ZDHHC12: variants seen among roughly 807,000 people sequenced by gnomAD.
The protein encoded by ZDHHC12 is zDHHC palmitoyltransferase 12.
A neutral mutation model predicts 33.2 loss-of-function variants in ZDHHC12; 26 were observed. The ratio of observed to expected loss-of-function variants is 0.78; its 90% CI spans 0.57 to 1.09. The LOEUF (loss-of-function observed/expected upper bound fraction) is 1.09. ZDHHC12 is among the 50% of genes least tolerant of loss of function. The probability of loss-of-function intolerance (pLI) is 0.00; values close to 1 mark genes in which losing one functional copy is unlikely to be tolerated. For synonymous variants in ZDHHC12, 154 were observed against 152.1 expected, an observed-to-expected ratio of 1.01 and a Z score of -0.09; for missense variants, 350 against 353.0, an observed-to-expected ratio of 0.99 and a Z score of 0.07.
rs750097929 is a variant in ZDHHC12, at chr9:128,723,979, C to G, written c.100+15G>C. ...GGGATCGGGTGGGTCCGGGGTCGCTCGGGGTCCGGCTCACCGGTATCGTGC... is the reference window on the plus strand; with the variant it reads ...GGGATCGGGTGGGTCCGGGGTCGCTGGGGGTCCGGCTCACCGGTATCGTGC... On this transcript the variant is annotated intron_variant, in intron 1 of 4. Coordinates refer to ENST00000372663, the MANE Select transcript of ZDHHC12 (RefSeq NM_032799.5). The surrounding 1 kb of genome is among the most constrained non-coding windows in gnomAD (Gnocchi z 4.4). The G allele has an allele frequency of 2.5e-6, 4 of 1,608,436 alleles. No individual in the cohort carries two copies. In the African/African-American group the frequency reaches 5.4e-5, roughly 22 times the overall value.
At position 128,722,665 on chromosome 9, in the gene ZDHHC12, C is replaced by T. The variant is rs1343327999; in HGVS notation, c.101-91G>A. ...CAGTTGGAGGTGGGGAAGTGTGTTC[C>T]TGGCTGAGCAAAGGCCTGGAGATGT... On this transcript the variant is annotated intron_variant, in intron 1 of 4. Transcript: ENST00000372663. The surrounding 1 kb of genome is among the most constrained non-coding windows in gnomAD (Gnocchi z 4.2). 2.0e-6 allele frequency: 3 copies of T among 1,525,610 alleles called. No homozygotes were observed. Among genetic ancestry groups the T allele is most frequent in the South Asian group, 2.5e-5 (2 of 80,522 alleles). The allele number at this position is 1,525,610 out of a possible 1,614,324, so 94.5% of individuals were successfully genotyped here. A position where few individuals can be genotyped will look rare whatever the true frequency, so the allele number is the denominator to read the frequency against.
rs1306650911 is a variant in ZDHHC12, at chr9:128,722,433, G to A, written c.237+5C>T. On this transcript the variant is annotated splice_donor_5th_base_variant and intron_variant, in intron 2 of 4. Coordinates refer to ENST00000372663, the MANE Select transcript of ZDHHC12 (RefSeq NM_032799.5). This position sits in a 1 kb window ranked among gnomAD's most constrained non-coding sequence, Gnocchi z 4.2. Reference sequence around the variant, plus strand: ...CTGTTGGTGAGAGTAGGGGCCCCTGGTTACCTGAGGCTGGGGCTGCACATT... The same window carrying A: ...CTGTTGGTGAGAGTAGGGGCCCCTGATTACCTGAGGCTGGGGCTGCACATT... The A allele has an allele frequency of 1.3e-6, 2 of 1,495,916 alleles. No individual in the cohort carries two copies. Among genetic ancestry groups the A allele is most frequent in the African/African-American group, 1.4e-5 (1 of 71,534 alleles). The allele number at this position is 1,495,916 out of a possible 1,614,324, so 92.7% of individuals were successfully genotyped here.
In ZDHHC12 at chr9:128,721,251, C is replaced by G; in HGVS notation, c.734G>C (p.Gly245Ala). ...GGTCTCCCAGGACCCTGAGGGCCAT[C>G]CACAGAAGAAGTGGGCCAGGTTGCG... is the stretch of plus-strand genomic sequence containing the variant. ...LTRNLAHFFC[G>A]WPSGSWETLW... is the part of the protein sequence containing the mutation. The change falls in exon 5 of 5, where the codon GGA becomes GCA. Residue 245 changes from glycine (G) to alanine (A), a missense_variant. By Grantham distance (60) the Gly-to-Ala change is moderately conservative. Coordinates refer to ENST00000372663, the MANE Select transcript of ZDHHC12 (RefSeq NM_032799.5). The surrounding 1 kb of genome is among the most constrained non-coding windows in gnomAD (Gnocchi z 6.9). 1.2e-6 allele frequency: 2 copies of G among 1,605,458 alleles called. No homozygotes were observed. The highest frequency in any genetic ancestry group is 1.1e-5 in the South Asian group (1 of 89,446).
chr9:128,722,177 G>A lies in ZDHHC12; in HGVS notation c.238-91C>T, dbSNP rs1589501321. The A allele has an allele frequency of 4.0e-5, 60 of 1,506,064 alleles. No homozygotes were observed. The East Asian group carries it at 1.3e-3, about 32-fold the overall frequency. 93.3% of individuals were successfully genotyped at this position (1,506,064 alleles called of 1,614,324 possible). ...CCCCTAGGGGCCGGCTTAGCTCTGG[G>A]TATGGAGTTTGGGACCCATCCCATG... On this transcript the variant is annotated intron_variant, in intron 2 of 4. Transcript: ENST00000372663. The surrounding 1 kb of genome is among the most constrained non-coding windows in gnomAD (Gnocchi z 4.2).
rs768267931 is a variant in ZDHHC12, at chr9:128,724,107, G to A, written c.-14C>T. On this transcript the variant is annotated 5_prime_UTR_variant, in exon 1 of 5. Transcript: ENST00000372663. ...CCAGGGCGCCATCGCCTCGGCCCGG[G>A]GCCCCACCCGGAAGAAGCGCCCAGA... 1 of 1,531,384 alleles carries A rather than the reference G, an allele frequency of 6.5e-7. No individual in the cohort carries two copies. Among genetic ancestry groups the A allele is most frequent in the Admixed American group, 2.0e-5 (1 of 49,550 alleles). 94.9% of individuals were successfully genotyped at this position (1,531,384 alleles called of 1,614,324 possible).
chr9:128,723,878 G>T lies in ZDHHC12; in HGVS notation c.100+116C>A. 1 of 1,456,582 alleles carries T rather than the reference G, an allele frequency of 6.9e-7. No homozygotes were observed. Among genetic ancestry groups the T allele is most frequent in the Non-Finnish European group, 9.3e-7 (1 of 1,078,302 alleles). 90.2% of individuals were successfully genotyped at this position (1,456,582 alleles called of 1,614,324 possible). Reference sequence around the variant, plus strand: ...GGGGAGAGGGCTTCAGGAGCTGGTGGAGATCGGGCCAATCCCAGGATCTCC... The same window carrying T: ...GGGGAGAGGGCTTCAGGAGCTGGTGTAGATCGGGCCAATCCCAGGATCTCC... On this transcript the variant is annotated intron_variant, in intron 1 of 4. Transcript: ENST00000372663. The surrounding 1 kb of genome is among the most constrained non-coding windows in gnomAD (Gnocchi z 4.4).
rs1055888718 is a variant in ZDHHC12, at chr9:128,721,906, G to T, written c.316-89C>A. The stretch of plus-strand genomic sequence containing the variant: ...AGGAATCAGGGCCTGATTCTGGAAG[G>T]CCTTCTTGGAGGAGGGGCGAGGCCC... On this transcript the variant is annotated intron_variant, in intron 3 of 4. Coordinates refer to ENST00000372663, the MANE Select transcript of ZDHHC12 (RefSeq NM_032799.5). This position sits in a 1 kb window ranked among gnomAD's most constrained non-coding sequence, Gnocchi z 6.9. 6.9e-6 allele frequency: 11 copies of T among 1,602,284 alleles called. No homozygotes were observed. The Admixed American group carries it at 1.3e-4, about 20-fold the overall frequency.
chr9:128,722,839 A>T lies in ZDHHC12; in HGVS notation c.101-265T>A. ...GATCAGGGGAAGCCTGGGGGCAGAG[A>T]ATCTGGCCAGGAGGAAGAAGAGAGT... is the stretch of plus-strand genomic sequence containing the variant. On this transcript the variant is annotated intron_variant, in intron 1 of 4. Transcript: ENST00000372663. The surrounding 1 kb of genome is among the most constrained non-coding windows in gnomAD (Gnocchi z 4.2). 3.4e-6 allele frequency: 4 copies of T among 1,160,108 alleles called. No individual in the cohort carries two copies. Among genetic ancestry groups the T allele is most frequent in the Non-Finnish European group, 4.5e-6 (4 of 880,070 alleles). 71.9% of individuals were successfully genotyped at this position (1,160,108 alleles called of 1,614,324 possible). A position where few individuals can be genotyped will look rare whatever the true frequency, so the allele number is the denominator to read the frequency against.
chr9:128,723,827 A>G lies in ZDHHC12; in HGVS notation c.100+167T>C. The G allele has an allele frequency of 1.0e-6, 1 of 987,794 alleles. No individual in the cohort carries two copies. The highest frequency in any genetic ancestry group is 1.5e-6 in the Non-Finnish European group (1 of 675,548). The allele number at this position is 987,794 out of a possible 1,614,324, so 61.2% of individuals were successfully genotyped here. A position where few individuals can be genotyped will look rare whatever the true frequency, so the allele number is the denominator to read the frequency against. On this transcript the variant is annotated intron_variant, in intron 1 of 4. Coordinates refer to ENST00000372663, the MANE Select transcript of ZDHHC12 (RefSeq NM_032799.5). This position sits in a 1 kb window ranked among gnomAD's most constrained non-coding sequence, Gnocchi z 4.4. ...GGGATCAACGGGGTATCAGACAGAG[A>G]GCAGGTGGCTCTTGGAATGATAGAT...
At position 128,722,051 on chromosome 9, in the gene ZDHHC12, A is replaced by G; in HGVS notation, c.273T>C (p.Pro91=). The change falls in exon 3 of 5, where the codon CCT becomes CCC. Residue 91 remains proline, a synonymous_variant. Transcript: ENST00000372663. The surrounding 1 kb of genome is among the most constrained non-coding windows in gnomAD (Gnocchi z 4.2). Reference sequence around the variant, plus strand: ...TGCAGCGCCGAAGAGGGATGGCTGGAGGAACCATGGCTGTCTGCTCCTCTT... The same window carrying G: ...TGCAGCGCCGAAGAGGGATGGCTGGGGGAACCATGGCTGTCTGCTCCTCTT... ...ELKEEQTAMV[P]PAIPLRRCRY... 6.2e-7 allele frequency: 1 copy of G among 1,614,020 alleles called. No homozygotes were observed. Among genetic ancestry groups the G allele is most frequent in the Non-Finnish European group, 8.5e-7 (1 of 1,179,986 alleles).
rs1862552985 is a variant in ZDHHC12 at position 128,721,500 on chromosome 9, G to C, written c.485C>G (p.Ser162Ter). Residue 162 changes from serine to a stop codon, truncating the protein, a stop_gained and splice_region_variant, in exon 5 of 5, where the codon TCA becomes TGA. Coordinates refer to ENST00000372663, the MANE Select transcript of ZDHHC12 (RefSeq NM_032799.5). LOFTEE classifies it high-confidence loss of function. This position sits in a 1 kb window ranked among gnomAD's most constrained non-coding sequence, Gnocchi z 6.9. ...VLLWGLYLAW[S>*]GLRFFQPWGQ... ...CCAGGGCTGGAAGAACCGGAGGCCT[G>C]ACCTGCGGTGCAGGGGACAGGGGCC... 2 of 1,601,336 alleles carry C rather than the reference G, an allele frequency of 1.2e-6. No individual in the cohort carries two copies. Among genetic ancestry groups the C allele is most frequent in the Non-Finnish European group, 1.7e-6 (2 of 1,174,336 alleles).
chr9:128,723,915 G>A lies in ZDHHC12; in HGVS notation c.100+79C>T. On this transcript the variant is annotated intron_variant, in intron 1 of 4. Coordinates refer to ENST00000372663, the MANE Select transcript of ZDHHC12 (RefSeq NM_032799.5). The surrounding 1 kb of genome is among the most constrained non-coding windows in gnomAD (Gnocchi z 4.4). Reference sequence around the variant, plus strand: ...ATCCCAGGATCTCCAGGGATTAGGCGGGAGACCCAGTGTGACCAGAACGTC... The same window carrying A: ...ATCCCAGGATCTCCAGGGATTAGGCAGGAGACCCAGTGTGACCAGAACGTC... 1 of 1,535,590 alleles carries A rather than the reference G, an allele frequency of 6.5e-7. No homozygotes were observed. The highest frequency in any genetic ancestry group is 8.8e-7 in the Non-Finnish European group (1 of 1,132,988).
Position 128,721,691 on chromosome 9 carries a change from G to A in ZDHHC12, c.442C>T (p.Leu148=). 1 of 1,613,950 alleles carries A rather than the reference G, an allele frequency of 6.2e-7. No homozygotes were observed. The highest frequency in any genetic ancestry group is 8.5e-7 in the Non-Finnish European group (1 of 1,179,994). ...CCCCACAGAAGCACCACCAGCTGCA[G>A]CGCCAGGTAGACCACAAAGAGTGGG... is the stretch of plus-strand genomic sequence containing the variant. ...NHPLFVVYLA[L]QLVVLLWGLY... is the part of the protein sequence containing the mutation. Residue 148 remains leucine, a synonymous_variant, in exon 4 of 5, where the codon CTG becomes TTG. Transcript: ENST00000372663. The surrounding 1 kb of genome is among the most constrained non-coding windows in gnomAD (Gnocchi z 6.9).
chr9:128,722,715 G>T lies in ZDHHC12; in HGVS notation c.101-141C>A. The T allele has an allele frequency of 6.8e-7, 1 of 1,460,108 alleles. No homozygotes were observed. The highest frequency in any genetic ancestry group is 1.4e-5 in the South Asian group (1 of 69,686). 90.4% of individuals were successfully genotyped at this position (1,460,108 alleles called of 1,614,324 possible). On this transcript the variant is annotated intron_variant, in intron 1 of 4. Coordinates refer to ENST00000372663, the MANE Select transcript of ZDHHC12 (RefSeq NM_032799.5). The surrounding 1 kb of genome is among the most constrained non-coding windows in gnomAD (Gnocchi z 4.2). ...TTGGTTCCATGAGTGGCTGTGTGTG[G>T]CCAGCAGTTCATCTGCACTTTTATC...
Position 128,723,850 on chromosome 9 carries a change from G to C in ZDHHC12, c.100+144C>G, listed in dbSNP as rs113431586. 1 of 1,274,494 alleles carries C rather than the reference G, an allele frequency of 7.8e-7. No individual in the cohort carries two copies. 78.9% of individuals were successfully genotyped at this position (1,274,494 alleles called of 1,614,324 possible). ...AGAGCAGGTGGCTCTTGGAATGATA[G>C]ATGGGGAGAGGGCTTCAGGAGCTGG... On this transcript the variant is annotated intron_variant, in intron 1 of 4. Coordinates refer to ENST00000372663, the MANE Select transcript of ZDHHC12 (RefSeq NM_032799.5). This position sits in a 1 kb window ranked among gnomAD's most constrained non-coding sequence, Gnocchi z 4.4.
chr9:128,723,124 G>A lies in ZDHHC12; in HGVS notation c.101-550C>T, dbSNP rs985753074. 6.3e-6 allele frequency: 1 copy of A among 158,452 alleles called. No individual in the cohort carries two copies. The allele number at this position is 158,452 out of a possible 1,614,324, so 9.8% of individuals were successfully genotyped here. A position where few individuals can be genotyped will look rare whatever the true frequency, so the allele number is the denominator to read the frequency against. Reference sequence around the variant, plus strand: ...CAGCCCAGGGAGGTGACAGGATTTTGGGGAGGTAGGGTGCAGGGCAAGGAG... The same window carrying A: ...CAGCCCAGGGAGGTGACAGGATTTTAGGGAGGTAGGGTGCAGGGCAAGGAG... On this transcript the variant is annotated intron_variant, in intron 1 of 4. Transcript: ENST00000372663. This position sits in a 1 kb window ranked among gnomAD's most constrained non-coding sequence, Gnocchi z 4.4.
In ZDHHC12 at chr9:128,723,456, A is replaced by G. The variant is rs1862630740; in HGVS notation, c.100+538T>C. ...GCTGGGTAGGGGGCTACTAAGAGGA[A>G]TGAGGGAAATGGAGGTGGGTGGGTG... On this transcript the variant is annotated intron_variant, in intron 1 of 4. Coordinates refer to ENST00000372663, the MANE Select transcript of ZDHHC12 (RefSeq NM_032799.5). This position sits in a 1 kb window ranked among gnomAD's most constrained non-coding sequence, Gnocchi z 4.4. The G allele has an allele frequency of 6.8e-6, 1 of 146,338 alleles. No homozygotes were observed. Among genetic ancestry groups the G allele is most frequent in the South Asian group, 2.2e-4 (1 of 4,624 alleles). 9.1% of individuals were successfully genotyped at this position (146,338 alleles called of 1,614,324 possible). A position where few individuals can be genotyped will look rare whatever the true frequency, so the allele number is the denominator to read the frequency against.
At position 128,722,729 on chromosome 9, in the gene ZDHHC12, TG is replaced by T. The variant is rs1862607405; in HGVS notation, c.101-156del. 6.9e-7 allele frequency: 1 copy of T among 1,450,418 alleles called. No individual in the cohort carries two copies. The highest frequency in any genetic ancestry group is 2.7e-5 in the Admixed American group (1 of 37,272). 89.8% of individuals were successfully genotyped at this position (1,450,418 alleles called of 1,614,324 possible). On this transcript the variant is annotated intron_variant, in intron 1 of 4. Coordinates refer to ENST00000372663, the MANE Select transcript of ZDHHC12 (RefSeq NM_032799.5). The surrounding 1 kb of genome is among the most constrained non-coding windows in gnomAD (Gnocchi z 4.2). ...GGCTGTGTGTGGCCAGCAGTTCATC[TG>T]CACTTTTATCTGGAGGGTCAGAGGG...
rs200480393 is a variant in ZDHHC12, at chr9:128,724,079, C to T, written c.15G>A (p.Ala5=). 189 of 1,585,596 alleles carry T rather than the reference C, an allele frequency of 1.2e-4. No individual in the cohort carries two copies. The highest frequency in any genetic ancestry group is 1.6e-4 in the Non-Finnish European group (183 of 1,162,756). Residue 5 remains alanine (A), a synonymous_variant, in exon 1 of 5, where the codon GCG becomes GCA. Coordinates refer to ENST00000372663, the MANE Select transcript of ZDHHC12 (RefSeq NM_032799.5). MAPW[A]LLSPGVLVRT... The stretch of plus-strand genomic sequence containing the variant: ...GCACCAGGACCCCAGGGCTGAGGAG[C>T]GCCCAGGGCGCCATCGCCTCGGCCC...
Sources: gnomAD v4.1 joint callset for allele counts on GRCh38, gnomAD v4.1.1 for gene constraint, Gnocchi (gnomAD v3.1) non-coding constraint, MANE v1.5 for transcripts, NCBI Gene and HGNC (gene_info 2026-07-23, HGNC 2026-07-21) for gene names.